The following SEC61A1 variants were observed in gnomAD, a reference collection of about 807,000 sequenced individuals.
SEC61A1 encodes protein transport protein Sec61 subunit alpha isoform 1.
A neutral mutation model predicts 55.2 loss-of-function variants in SEC61A1; 15 were observed. That is an observed-to-expected ratio of 0.27 (90% CI 0.18 to 0.42). The LOEUF is 0.42. SEC61A1 is among the 10% of genes least tolerant of loss of function. The pLI, the probability that SEC61A1 is intolerant of heterozygous loss-of-function variation, is 1.00. For missense variants in SEC61A1, 284 were observed against 602.6 expected (o/e 0.47, Z 5.53); for synonymous variants, 247 against 234.0 (o/e 1.06, Z -0.51).
At chr3:128,062,318 C>T (rs1458857572) in intron 7 of SEC61A1, among the ~76,000 whole-genome samples, 4 of 152,208 alleles carry the variant, frequency 2.6e-5, no homozygotes, top group East Asian at 1.9e-4. Context: ...ACAGCTGGGA[C>T]GGCAGCTTTG....
intron 5 of SEC61A1, among the ~76,000 whole-genome samples, chr3:128,059,048 T>G (rs1306463875): frequency 7.2e-6 from 1 of 139,338 alleles, no homozygotes; most frequent in Non-Finnish European, 1.7e-5. Context: ...ACAGATTAAA[T>G]AGGAAAGCTG....
At position 128,066,726 on chromosome 3, in the gene SEC61A1, C is replaced by A. The variant is rs940205601; in HGVS notation, c.778-228C>A. ...GGTGTAAGTCACCACGCCTAGCCTTCAGTGTATTTTTAAACCAGCTTTTCT... is the reference window on the plus strand; with the variant it reads ...GGTGTAAGTCACCACGCCTAGCCTTAAGTGTATTTTTAAACCAGCTTTTCT... On this transcript the variant is annotated intron_variant, in intron 8 of 11. Coordinates refer to ENST00000243253, the MANE Select transcript of SEC61A1 (RefSeq NM_013336.4). 3.7e-5 allele frequency: 21 copies of A among 567,666 alleles called. No individual in the cohort carries two copies. The African/African-American group carries it at 3.8e-4, about 10-fold the overall frequency. 35.2% of individuals were successfully genotyped at this position (567,666 alleles called of 1,614,324 possible).
intron 8 of SEC61A1, 67 bp downstream of exon 8, chr3:128,065,104 C>A: frequency 6.7e-7 from 1 of 1,488,268 alleles, no homozygotes; most frequent in Non-Finnish European, 9.4e-7. Flanking sequence ...GCCTTGTGTG[C>A]AGTCCCCCAC....
intron 2 of SEC61A1, 83 bp from the exon 3 acceptor site, chr3:128,055,433 G>A: frequency 1.8e-6 from 2 of 1,095,508 alleles, no homozygotes; most frequent in East Asian, 2.3e-5. Context: ...CATTTTTAGA[G>A]AAAGGGGTCT....
At chr3:128,052,402 C>T (rs532081736), upstream of SEC61A1, 7 of 1,216,556 alleles carry the variant, frequency 5.8e-6, no homozygotes, top group Non-Finnish European at 7.2e-6. Flanking sequence ...CCCCGCCCCG[C>T]GCCGCGCCGC....
At chr3:128,055,647 C>T (rs748664684) in intron 3 of SEC61A1, 26 bp from the exon 4 acceptor site, 3 of 1,611,254 alleles carry the variant, frequency 1.9e-6, no homozygotes, top group South Asian at 2.2e-5. Context: ...GGAGTGCTGA[C>T]TGTTTTGCTC....
chr3:128,054,186 A>G (rs1941735653), intron 2 of SEC61A1, among the ~76,000 whole-genome samples: 1 of 152,240 alleles, frequency 6.6e-6, no homozygotes, highest in East Asian at 1.9e-4. Flanking sequence ...GGTACTGAGC[A>G]AGAATGGATT....
chr3:128,067,336 C>T lies in SEC61A1; in HGVS notation c.976-85C>T. The T allele has an allele frequency of 6.9e-7, 1 of 1,439,058 alleles. No individual in the cohort carries two copies. The highest frequency in any genetic ancestry group is 9.5e-7 in the Non-Finnish European group (1 of 1,055,444). 89.1% of individuals were successfully genotyped at this position (1,439,058 alleles called of 1,614,324 possible). On this transcript the variant is annotated intron_variant, in intron 9 of 11. Transcript: ENST00000243253. This position sits in a 1 kb window ranked among gnomAD's most constrained non-coding sequence, Gnocchi z 4.1. ...TGTGGGCACCGAGTAAAATTGCATT[C>T]TTTCATCTGCTCAGAACTATTTTTG...
chr3:128,071,641 T>A lies in SEC61A1; in HGVS notation c.*1979T>A, dbSNP rs1463286586. On this transcript the variant is annotated 3_prime_UTR_variant, in exon 12 of 12. Coordinates refer to ENST00000243253, the MANE Select transcript of SEC61A1 (RefSeq NM_013336.4). ...GGACGCCAAAATGGCATAACTGAGA[T>A]AAGGTGAATAAGTGACAAATAAAGC... 6.6e-6 allele frequency: 1 copy of A among 152,640 alleles called. No homozygotes were observed. Among genetic ancestry groups the A allele is most frequent in the African/African-American group, 2.4e-5 (1 of 41,454 alleles). 9.5% of individuals were successfully genotyped at this position (152,640 alleles called of 1,614,324 possible). A position where few individuals can be genotyped will look rare whatever the true frequency, so the allele number is the denominator to read the frequency against.
chr3:128,051,864 G>A (rs1250134513), upstream of SEC61A1: 3 of 1,535,846 alleles, frequency 2.0e-6, no homozygotes, highest in East Asian at 2.4e-5. Context: ...CCACACCCAC[G>A]ACAAGCCTCC....
In SEC61A1 at chr3:128,067,934, T is replaced by C; in HGVS notation, c.1168-49T>C. The C allele has an allele frequency of 6.8e-7, 1 of 1,469,230 alleles. No homozygotes were observed. Among genetic ancestry groups the C allele is most frequent in the Non-Finnish European group, 9.5e-7 (1 of 1,048,446 alleles). 91.0% of individuals were successfully genotyped at this position (1,469,230 alleles called of 1,614,324 possible). On this transcript the variant is annotated intron_variant, in intron 10 of 11. Coordinates refer to ENST00000243253, the MANE Select transcript of SEC61A1 (RefSeq NM_013336.4). The surrounding 1 kb of genome is among the most constrained non-coding windows in gnomAD (Gnocchi z 4.1). ...GTTCAGTACCACTTGGAATGCCTAT[T>C]TCCCCTTCAGCCTCCAATTCCAACT...
At chr3:128,060,444 G>A (rs940008538) in intron 6 of SEC61A1, 64 bp from the exon 7 acceptor site, 1 of 1,547,352 alleles carries the variant, frequency 6.5e-7, no homozygotes, top group Non-Finnish European at 8.9e-7. Context: ...CCCAATTACT[G>A]AAGGACGGAA....
intron 5 of SEC61A1, among the ~76,000 whole-genome samples, chr3:128,058,137 C>G (rs182724904): frequency 1.3e-5 from 2 of 151,724 alleles, no homozygotes; most frequent in Non-Finnish European, 2.9e-5. Context: ...ATCTTTTCGC[C>G]TACACCAGCA....
chr3:128,052,330 A>C, upstream of SEC61A1: 2 of 476,816 alleles, frequency 4.2e-6, no homozygotes, highest in Non-Finnish European at 5.5e-6. Flanking sequence ...CGGCGCGGCG[A>C]AGCGCGGCGG....
intron 5 of SEC61A1, among the ~76,000 whole-genome samples, chr3:128,059,329 T>C (rs927227494): frequency 2.7e-4 from 41 of 152,164 alleles, no homozygotes; most frequent in African/African-American, 8.9e-4. Flanking sequence ...AAAAATTAGC[T>C]GGCTGTGGTG....
rs1029243534 is a variant in SEC61A1 at position 128,063,479 on chromosome 3, C to T, written c.617-1398C>T. On this transcript the variant is annotated intron_variant, in intron 7 of 11. Coordinates refer to ENST00000243253, the MANE Select transcript of SEC61A1 (RefSeq NM_013336.4). ...AGCCTCCTGAGTATGGGATTACAGG[C>T]GCCCGCCACCATGTTCGGCTAATTT... Among the ~76,000 whole-genome samples the T allele has an allele frequency of 3.9e-5, 6 of 152,268 alleles. No individual in the cohort carries two copies. The East Asian group carries it at 5.8e-4, about 15-fold the overall frequency.
chr3:128,055,484 T>C, intron 2 of SEC61A1, 32 bp from the exon 3 acceptor site: 1 of 1,546,492 alleles, frequency 6.5e-7, no homozygotes, highest in Non-Finnish European at 8.9e-7. Context: ...TCAAAGTAAC[T>C]CCCTGCTTCA....
upstream of SEC61A1, among the ~76,000 whole-genome samples, chr3:128,052,191 G>C (rs1411086231): frequency 1.3e-5 from 2 of 151,958 alleles, no homozygotes; most frequent in Admixed American, 6.5e-5. Flanking sequence ...CTCCCCGCGC[G>C]CTCTCGCGTT....
intron 1 of SEC61A1, 37 bp from the exon 2 acceptor site, chr3:128,052,798 T>C (rs986185100): frequency 2.5e-6 from 4 of 1,589,980 alleles, no homozygotes; most frequent in East Asian, 4.5e-5. Context: ...TACTTCTCTG[T>C]GTCCCAACTC....
Sources: allele counts gnomAD v4.1 joint callset (sites outside exome capture counted in the v4.1 genomes callset), GRCh38; gene constraint gnomAD v4.1.1; non-coding constraint Gnocchi (gnomAD v3.1); transcripts MANE v1.5; gene names NCBI Gene and HGNC (gene_info 2026-07-23, HGNC 2026-07-21).